The following OC90 variants were observed in gnomAD, a reference collection of about 807,000 sequenced individuals.
OC90 encodes otoconin 90.
OC90 carries 46 observed loss-of-function variants against 47.3 expected under a neutral mutation model. The ratio of observed to expected loss-of-function variants is 0.97; its 90% CI spans 0.77 to 1.24. OC90 has a LOEUF of 1.24. Among genes scored for constraint, OC90 ranks in the 50% most tolerant of loss-of-function variants. The pLI is 0.00. For missense variants in OC90, 688 were observed against 583.9 expected (o/e 1.18, Z -1.84); for synonymous variants, 271 against 219.5 (o/e 1.23, Z -2.07).
chr8:132,039,090 G>C lies in OC90; in HGVS notation c.491C>G (p.Thr164Ser). ...SKDNCEHLLCTCDKAAIECLA... is the reference protein window; with the variant it reads ...SKDNCEHLLCSCDKAAIECLA... Reference sequence around the variant, plus strand: ...GCACTCTATGGCAGCCTTATCACAGGTACACAGCAGGTGCTCACAGTTGTC... The same window carrying C: ...GCACTCTATGGCAGCCTTATCACAGCTACACAGCAGGTGCTCACAGTTGTC... Residue 164 changes from threonine to serine, a missense_variant, in exon 7 of 14, where the codon ACC becomes AGC. Thr to Ser is a moderately conservative substitution (Grantham distance 58, BLOSUM62 1). Coordinates refer to ENST00000254627, the MANE Select transcript of OC90 (RefSeq NM_001080399.3). The C allele has an allele frequency of 6.2e-7, 1 of 1,612,798 alleles. No homozygotes were observed. Among genetic ancestry groups the C allele is most frequent in the Non-Finnish European group, 8.5e-7 (1 of 1,179,450 alleles).
intron 2 of OC90, among the ~76,000 whole-genome samples, chr8:132,053,832 G>A (rs991073134): frequency 6.6e-6 from 1 of 152,162 alleles, no homozygotes; most frequent in African/African-American, 2.4e-5. Context: ...ACTGGCTGAC[G>A]CCTGCCCTTG....
chr8:132,044,100 T>C (rs1823097933), intron 4 of OC90, among the ~76,000 whole-genome samples: 1 of 152,182 alleles, frequency 6.6e-6, no homozygotes. Context: ...CAAGGAGAGC[T>C]CCTCCCTTCT....
rs1347957286 is a variant in OC90, at chr8:132,024,324, T to G, written c.*157A>C. 5 of 583,274 alleles carry G rather than the reference T, an allele frequency of 8.6e-6. No individual in the cohort carries two copies. The highest frequency in any genetic ancestry group is 1.5e-5 in the Non-Finnish European group (5 of 340,484). The allele number at this position is 583,274 out of a possible 1,614,324, so 36.1% of individuals were successfully genotyped here. On this transcript the variant is annotated 3_prime_UTR_variant, in exon 14 of 14. Coordinates refer to ENST00000254627, the MANE Select transcript of OC90 (RefSeq NM_001080399.3). ...TGGCTTGTGAGGTGACCACAGCTGA[T>G]GAGGCATGGGCAGGGCTCACGGCCT... is the stretch of plus-strand genomic sequence containing the variant.
intron 13 of OC90, among the ~76,000 whole-genome samples, chr8:132,028,735 A>G (rs980459469): frequency 1.3e-5 from 2 of 150,238 alleles, no homozygotes; most frequent in African/African-American, 2.5e-5. Context: ...AGAAAGAAAG[A>G]AAGGAAGGAA....
intron 1 of OC90, among the ~76,000 whole-genome samples, chr8:132,059,069 CCT>C (rs143051657): frequency 2.0e-5 from 3 of 146,472 alleles, no homozygotes; most frequent in Admixed American, 6.8e-5. Context: ...TCCCTTCTAC[CCT>C]CTCTTTCTCC....
chr8:132,029,379 C>T (rs751959152), intron 12 of OC90, among the ~76,000 whole-genome samples, 200 bp from the exon 13 acceptor site: 2 of 152,076 alleles, frequency 1.3e-5, no homozygotes, highest in East Asian at 1.9e-4. Context: ...ACAAAGGCCA[C>T]GTCTAAGGCG....
chr8:132,048,682 T>C (rs907789255), intron 2 of OC90, among the ~76,000 whole-genome samples: 2 of 151,706 alleles, frequency 1.3e-5, no homozygotes, highest in Non-Finnish European at 2.9e-5. Flanking sequence ...CTCGTCCTTT[T>C]ATCTGGAAAG....
At chr8:132,045,151 T>G in intron 3 of OC90, among the ~76,000 whole-genome samples, 1 of 152,232 alleles carries the variant, frequency 6.6e-6, no homozygotes, top group Non-Finnish European at 1.5e-5. Context: ...TTGCACTTCC[T>G]CTAGAAGTTA....
chr8:132,051,144 A>T (rs72715316), intron 2 of OC90, among the ~76,000 whole-genome samples: 2,474 of 152,306 alleles, frequency 0.016, 25 homozygotes, highest in Non-Finnish European at 0.027. Context: ...CACTCTAGAG[A>T]TGAGAAAACT....
intron 2 of OC90, among the ~76,000 whole-genome samples, chr8:132,046,337 G>A (rs938301863): frequency 5.3e-5 from 8 of 152,152 alleles, no homozygotes; most frequent in South Asian, 2.1e-4. Flanking sequence ...TGCAGACTCC[G>A]TAAACATTCT....
intron 10 of OC90, among the ~76,000 whole-genome samples, chr8:132,034,313 T>G (rs377182597): frequency 6.6e-6 from 1 of 152,246 alleles, no homozygotes; most frequent in African/African-American, 2.4e-5. Context: ...TTTTGGTGTT[T>G]GAATAATCCT....
At chr8:132,028,601 G>A (rs13260937) in intron 13 of OC90, among the ~76,000 whole-genome samples, 858 of 7,156 alleles carry the variant, frequency 0.12, 24 homozygotes, top group African/African-American at 0.17. Context: ...GAAGGAAGGA[G>A]GGAAGGAGGG....
chr8:132,038,343 G>A (rs1011870581), intron 8 of OC90, among the ~76,000 whole-genome samples: 3 of 152,210 alleles, frequency 2.0e-5, no homozygotes, highest in Admixed American at 2.0e-4. Flanking sequence ...GCGCTGGAGA[G>A]TGCGTGGAGA....
chr8:132,049,534 T>G (rs1260178088), intron 2 of OC90, among the ~76,000 whole-genome samples: 2 of 151,934 alleles, frequency 1.3e-5, no homozygotes, highest in Non-Finnish European at 2.9e-5. Flanking sequence ...CAGGAAGGAG[T>G]GTTGATCTTA....
intron 6 of OC90, among the ~76,000 whole-genome samples, chr8:132,039,363 T>C (rs1823020641): frequency 2.0e-5 from 3 of 152,168 alleles, no homozygotes; most frequent in Non-Finnish European, 2.9e-5. Context: ...ACTTTCAACA[T>C]GGAGTCTGAC....
At chr8:132,024,869 T>C (rs969007770) in intron 13 of OC90, 93 bp from the exon 14 acceptor site, 33 of 1,075,364 alleles carry the variant, frequency 3.1e-5, no homozygotes, top group Non-Finnish European at 4.4e-5. Context: ...CCCTTCTCCT[T>C]CCTCCCCATC....
chr8:132,055,913 G>A lies in OC90; in HGVS notation c.-47-840C>T, dbSNP rs184756233. Among the ~76,000 whole-genome samples the A allele has an allele frequency of 3.2e-3, 488 of 152,290 alleles. 2 individuals are homozygous for A. The highest frequency in any genetic ancestry group is 0.014 in the Middle Eastern group (4 of 294). On this transcript the variant is annotated intron_variant, in intron 1 of 13. Coordinates refer to ENST00000254627, the MANE Select transcript of OC90 (RefSeq NM_001080399.3). ...TGTTTAACAGGGGGACGGGGTGGGA[G>A]GCGCAGGGAAAAGACCAGAGGGATT... is the stretch of plus-strand genomic sequence containing the variant.
At position 132,055,075 on chromosome 8, in the gene OC90, T is replaced by C. The variant is rs1823264203; in HGVS notation, c.-47-2A>G. On this transcript the variant is annotated splice_acceptor_variant, in intron 1 of 13. Coordinates refer to ENST00000254627, the MANE Select transcript of OC90 (RefSeq NM_001080399.3). LOFTEE classifies it low-confidence loss of function (5UTR_SPLICE). ...TTAGGCAGCAACTGGAACGGACTCC[T>C]GGGAGAGAAGCCAGCAGAATAGGAT... 1.4e-6 allele frequency: 2 copies of C among 1,465,504 alleles called. No homozygotes were observed. The highest frequency in any genetic ancestry group is 1.9e-6 in the Non-Finnish European group (2 of 1,070,904). The allele number at this position is 1,465,504 out of a possible 1,614,324, so 90.8% of individuals were successfully genotyped here.
In OC90 at chr8:132,041,083, T is replaced by C. The variant is rs775260378; in HGVS notation, c.418A>G (p.Ser140Gly). The C allele has an allele frequency of 6.8e-6, 11 of 1,613,122 alleles. No individual in the cohort carries two copies. In the African/African-American group the frequency reaches 1.5e-4, roughly 22 times the overall value. The change falls in exon 6 of 14, where the codon AGC (serine) becomes GGC (glycine). Residue 140 changes from serine (S) to glycine (G), a missense_variant. Coordinates refer to ENST00000254627, the MANE Select transcript of OC90 (RefSeq NM_001080399.3). ...MDCLQDPAKLSTEVNCVSKKI... is the reference protein window; with the variant it reads ...MDCLQDPAKLGTEVNCVSKKI... ...TTGCTGACACAATTGACCTCTGTGC[T>C]AAGTTTGGCGGGGTCTTGGAGACAG...
Sources: gnomAD v4.1 joint callset for allele counts (sites outside exome capture counted in the v4.1 genomes callset) on GRCh38, gnomAD v4.1.1 for gene constraint, MANE v1.5 for transcripts, NCBI Gene and HGNC (gene_info 2026-07-23, HGNC 2026-07-21) for gene names.